SP2: variants seen among roughly 807,000 people sequenced by gnomAD.
SP2 encodes the protein Sp2 transcription factor, also known as transcription factor Sp2.
Under a neutral mutation model 50.1 loss-of-function variants are expected in SP2, and 9 were observed. That is an observed-to-expected ratio of 0.18 (90% CI 0.11 to 0.31). SP2 has a LOEUF of 0.31. Ranked by LOEUF, SP2 falls within the 10% of genes least tolerant of loss-of-function variation. SP2 has a pLI of 1.00. For synonymous variants in SP2, 313 were observed against 326.6 expected (o/e 0.96, Z 0.45); for missense variants, 581 against 806.5 (o/e 0.72, Z 3.39).
rs141856390 is a variant in SP2, at chr17:47,919,825, C to CTTT, written c.1059+2715_1059+2717dup. ...TTTGATCTGAAACACTTTGTCATTC[C>CTTT]TTTTTTTTTTTTTTTTTTTTTTCTG... On this transcript the variant is annotated intron_variant, in intron 3 of 6. Transcript: ENST00000376741. Among the ~76,000 whole-genome samples, 396 of 94,776 alleles carry CTTT rather than the reference C, an allele frequency of 4.2e-3. 13 individuals carry two copies. The highest frequency in any genetic ancestry group is 0.011 in the East Asian group (27 of 2,370). 62.2% of individuals were successfully genotyped at this position (94,776 alleles called of 152,430 possible). A position where few individuals can be genotyped will look rare whatever the true frequency, so the allele number is the denominator to read the frequency against.
chr17:47,917,892 T>C (rs1219709589), intron 3 of SP2: 1 of 294,318 alleles, frequency 3.4e-6, no homozygotes, highest in South Asian at 2.5e-5. Flanking sequence ...GAGGCAAGTT[T>C]TATTCTTTGT....
intron 1 of SP2, among the ~76,000 whole-genome samples, chr17:47,903,957 T>C (rs149784060): frequency 0.091 from 11,762 of 129,308 alleles, 564 homozygotes; most frequent in East Asian, 0.25. Flanking sequence ...AGCGAGACTT[T>C]GTCTCAAAAA....
chr17:47,912,298 C>T (rs2143905011), intron 1 of SP2, among the ~76,000 whole-genome samples: 1 of 152,318 alleles, frequency 6.6e-6, no homozygotes, highest in South Asian at 2.1e-4. Flanking sequence ...CCTCCAGCTC[C>T]ATACACATTT....
intron 4 of SP2, among the ~76,000 whole-genome samples, chr17:47,923,822 C>T (rs1200985881): frequency 6.6e-6 from 1 of 151,930 alleles, no homozygotes; most frequent in Non-Finnish European, 1.5e-5. Flanking sequence ...CTGCTTCAGC[C>T]TCCCGAGTAG....
chr17:47,905,750 T>C (rs2034733606), intron 1 of SP2, among the ~76,000 whole-genome samples: 1 of 151,710 alleles, frequency 6.6e-6, no homozygotes, highest in African/African-American at 2.4e-5. Flanking sequence ...GTGCCTGGAG[T>C]ATGCACTGGC....
chr17:47,901,676 C>G (rs1236736309), intron 1 of SP2, among the ~76,000 whole-genome samples: 1 of 152,094 alleles, frequency 6.6e-6, no homozygotes, highest in Non-Finnish European at 1.5e-5. Context: ...CTGCACTGGC[C>G]CACATGTGAG....
chr17:47,904,128 G>A (rs2034658201), intron 1 of SP2, among the ~76,000 whole-genome samples: 1 of 151,758 alleles, frequency 6.6e-6, no homozygotes, highest in South Asian at 2.1e-4. Context: ...AGCCAGGTGT[G>A]GTGGCGGGCA....
chr17:47,919,850 G>C (rs146122288), intron 3 of SP2, among the ~76,000 whole-genome samples: 2 of 62,334 alleles, frequency 3.2e-5, no homozygotes, highest in African/African-American at 1.1e-4. Context: ...TTTTTTTTCT[G>C]TTTTTTTGAG....
intron 1 of SP2, among the ~76,000 whole-genome samples, chr17:47,901,642 T>G (rs1173668605): frequency 6.6e-6 from 1 of 152,012 alleles, no homozygotes; most frequent in Non-Finnish European, 1.5e-5. Flanking sequence ...CGCTTTGAAG[T>G]TTTTGGCCAG....
At chr17:47,927,098 G>A (rs1598176010) in intron 6 of SP2, among the ~76,000 whole-genome samples, 1 of 152,202 alleles carries the variant, frequency 6.6e-6, no homozygotes, top group African/African-American at 2.4e-5. Flanking sequence ...CAAAGTCAGA[G>A]GGACAAAAGA....
Position 47,902,894 on chromosome 17 carries a change from T to C in SP2, c.7+6601T>C, listed in dbSNP as rs188219038. Among the ~76,000 whole-genome samples the C allele has an allele frequency of 3.2e-3, 489 of 152,320 alleles. 2 individuals are homozygous for C. Among genetic ancestry groups the C allele is most frequent in the South Asian group, 0.011 (52 of 4,824 alleles). ...CCTCAGCCTCCCAAGGAGCTGGGAT[T>C]ACAGGCGGGCACCACCACGCCCGGC... On this transcript the variant is annotated intron_variant, in intron 1 of 6. Coordinates refer to ENST00000376741, the MANE Select transcript of SP2 (RefSeq NM_003110.6).
Position 47,896,284 on chromosome 17 carries a change from G to T in SP2, c.-3G>T. ...GGCGGAGGCCAGGGAGGAAGATGTC[G>T]TAATGAGCGGTGGGTCCCGGCCGCT... On this transcript the variant is annotated 5_prime_UTR_variant, in exon 1 of 7. Transcript: ENST00000376741. The T allele has an allele frequency of 1.6e-6, 2 of 1,239,958 alleles. No homozygotes were observed. Among genetic ancestry groups the T allele is most frequent in the Non-Finnish European group, 2.0e-6 (2 of 988,496 alleles). The allele number at this position is 1,239,958 out of a possible 1,614,324, so 76.8% of individuals were successfully genotyped here.
chr17:47,903,034 G>C (rs1050291823), intron 1 of SP2, among the ~76,000 whole-genome samples: 2 of 152,238 alleles, frequency 1.3e-5, no homozygotes, highest in Non-Finnish European at 2.9e-5. Flanking sequence ...GGGATTACAG[G>C]CGTGAGCCAC....
chr17:47,914,255 T>C (rs1015099378), intron 1 of SP2, among the ~76,000 whole-genome samples: 1 of 151,700 alleles, frequency 6.6e-6, no homozygotes. Context: ...CCTGTAATCC[T>C]AGCTACTCAG....
intron 1 of SP2, chr17:47,914,823 A>G (rs1014927627): frequency 1.3e-5 from 2 of 152,394 alleles, no homozygotes; most frequent in African/African-American, 4.8e-5. Flanking sequence ...GGAGAAAGTA[A>G]TCTACTGAAA....
chr17:47,913,694 T>G (rs1298194642), intron 1 of SP2, among the ~76,000 whole-genome samples: 1 of 152,176 alleles, frequency 6.6e-6, no homozygotes, highest in Non-Finnish European at 1.5e-5. Flanking sequence ...ATGCATGAGC[T>G]ACTGTACCTA....
rs2035215409 is a variant in SP2, at chr17:47,916,646, C to T, written c.575C>T (p.Thr192Ile). The stretch of plus-strand genomic sequence containing the variant: ...ATCCAGAAGTCGAGTACGACCACCA[C>T]CCCCGTGCAGAGCGGGGCCAATGTG... ...APIQKSSTTT[T>I]PVQSGANVVK... The change falls in exon 3 of 7, where the codon ACC becomes ATC. Residue 192 changes from threonine (T) to isoleucine (I), a missense_variant. Physicochemically the swap from Thr to Ile is moderately conservative, Grantham distance 89 (BLOSUM62 -1). Coordinates refer to ENST00000376741, the MANE Select transcript of SP2 (RefSeq NM_003110.6). The surrounding 1 kb of genome is among the most constrained non-coding windows in gnomAD (Gnocchi z 4.7). 6.2e-7 allele frequency: 1 copy of T among 1,613,988 alleles called. No individual in the cohort carries two copies. The highest frequency in any genetic ancestry group is 1.3e-5 in the African/African-American group (1 of 75,022).
At chr17:47,925,906 T>A (rs2035625675) in intron 6 of SP2, among the ~76,000 whole-genome samples, 2 of 32,728 alleles carry the variant, frequency 6.1e-5, no homozygotes, top group African/African-American at 2.8e-4. Context: ...TGTTTATGCC[T>A]TTTTTTTTTT....
At chr17:47,923,778 CTG>C (rs2035550097) in intron 4 of SP2, among the ~76,000 whole-genome samples, 1 of 152,184 alleles carries the variant, frequency 6.6e-6, no homozygotes, top group African/African-American at 2.4e-5. Context: ...GAGCCTCACT[CTG>C]TCGCCCAGGC....
Sources: gnomAD v4.1 joint callset for allele counts (sites outside exome capture counted in the v4.1 genomes callset) on GRCh38, gnomAD v4.1.1 for gene constraint, Gnocchi (gnomAD v3.1) non-coding constraint, MANE v1.5 for transcripts, NCBI Gene and HGNC (gene_info 2026-07-23, HGNC 2026-07-21) for gene names.